JAZF1: variants seen among roughly 807,000 people sequenced by gnomAD.
The protein encoded by JAZF1 is juxtaposed with another zinc finger protein 1.
A neutral mutation model predicts 26.4 loss-of-function variants in JAZF1; 8 were observed. The observed-to-expected ratio is 0.30, with a 90% confidence interval of 0.18 to 0.55. The LOEUF is 0.55. JAZF1 is among the 20% of genes least tolerant of loss of function. JAZF1 has a pLI of 0.94. For missense variants in JAZF1, 199 were observed against 322.0 expected (o/e 0.62, Z 2.92); for synonymous variants, 126 against 122.3 (o/e 1.03, Z -0.20).
intron 1 of JAZF1, among the ~76,000 whole-genome samples, chr7:28,013,785 C>T (rs1331093704): frequency 6.6e-6 from 1 of 152,054 alleles, no homozygotes; most frequent in Non-Finnish European, 1.5e-5. Context: ...GAGGAAATCT[C>T]CCTTTTAGAC....
At chr7:28,074,004 G>A (rs62449904) in intron 1 of JAZF1, among the ~76,000 whole-genome samples, 15,916 of 151,254 alleles carry the variant, frequency 0.11, 1,454 homozygotes, top group East Asian at 0.42. Flanking sequence ...CAGAGGTGAG[G>A]CTTTTTCCCT....
chr7:28,140,009 A>T (rs1248144355), intron 1 of JAZF1, among the ~76,000 whole-genome samples: 1 of 152,146 alleles, frequency 6.6e-6, no homozygotes, highest in Non-Finnish European at 1.5e-5. Flanking sequence ...AAAAGGTTGC[A>T]GAAAGAAGTA....
intron 3 of JAZF1, among the ~76,000 whole-genome samples, chr7:27,864,569 G>A (rs534879914): frequency 7.6e-4 from 115 of 152,304 alleles, no homozygotes; most frequent in Non-Finnish European, 1.3e-3. Context: ...CGGTCAAGCT[G>A]ACTTCTCCTG....
rs58448766 is a variant in JAZF1 at position 28,120,501 on chromosome 7, CTTTTTT to C, written c.115+59956_115+59961del. Among the ~76,000 whole-genome samples the C allele has an allele frequency of 1.0e-3, 59 of 59,012 alleles. 1 individual carries two copies. The highest frequency in any genetic ancestry group is 3.4e-3 in the African/African-American group (50 of 14,656). The allele number at this position is 59,012 out of a possible 152,430, so 38.7% of individuals were successfully genotyped here. ...TCTGAACCACTAGCCACACACAGTTCTTTTTTTTTTTTTTTTTTTTTTTTTGAGACA... is the reference window on the plus strand; with the variant it reads ...TCTGAACCACTAGCCACACACAGTTCTTTTTTTTTTTTTTTTTTTGAGACA... On this transcript the variant is annotated intron_variant, in intron 1 of 4. Transcript: ENST00000283928.
At chr7:27,835,063 T>A (rs868189747) in intron 4 of JAZF1, among the ~76,000 whole-genome samples, 3 of 152,194 alleles carry the variant, frequency 2.0e-5, no homozygotes, top group Admixed American at 2.0e-4. Context: ...TTTCCGTGGA[T>A]GAAGGGCTAC....
chr7:28,115,614 T>G (rs1784729403), intron 1 of JAZF1, among the ~76,000 whole-genome samples: 1 of 152,214 alleles, frequency 6.6e-6, no homozygotes, highest in South Asian at 2.1e-4. Flanking sequence ...GAAATACAAC[T>G]GTAAAGACAT....
chr7:28,180,632 G>T lies in JAZF1; in HGVS notation c.-55C>A. The T allele has an allele frequency of 7.9e-7, 1 of 1,267,142 alleles. No homozygotes were observed. Among genetic ancestry groups the T allele is most frequent in the Non-Finnish European group, 1.1e-6 (1 of 893,754 alleles). The allele number at this position is 1,267,142 out of a possible 1,614,324, so 78.5% of individuals were successfully genotyped here. On this transcript the variant is annotated 5_prime_UTR_variant, in exon 1 of 5. Transcript: ENST00000283928. ...GGCTCTGCGAGCGCCGGGCGGGCGAGGGAGGGAGGGAGGCCGGGTGGGGTG... is the reference window on the plus strand; with the variant it reads ...GGCTCTGCGAGCGCCGGGCGGGCGATGGAGGGAGGGAGGCCGGGTGGGGTG...
chr7:27,975,797 A>G (rs1468475743), intron 2 of JAZF1, among the ~76,000 whole-genome samples: 1 of 152,230 alleles, frequency 6.6e-6, no homozygotes, highest in Non-Finnish European at 1.5e-5. Context: ...GAGTGGACAT[A>G]AAGATTTTTA....
chr7:28,091,216 C>T (rs1300967355), intron 1 of JAZF1, among the ~76,000 whole-genome samples: 3 of 152,004 alleles, frequency 2.0e-5, no homozygotes, highest in African/African-American at 4.8e-5. Flanking sequence ...CATATTTTTA[C>T]ATACTTTTGA....
intron 1 of JAZF1, among the ~76,000 whole-genome samples, chr7:28,128,586 T>C (rs1782738232): frequency 6.6e-6 from 1 of 151,908 alleles, no homozygotes; most frequent in African/African-American, 2.4e-5. Flanking sequence ...AATCTGGCAG[T>C]GGCCCCAGCA....
intron 1 of JAZF1, among the ~76,000 whole-genome samples, chr7:28,055,594 T>A (rs568598174): frequency 6.6e-6 from 1 of 152,338 alleles, no homozygotes; most frequent in African/African-American, 2.4e-5. Context: ...CTTTGTTTAT[T>A]ATGGATTTGA....
At chr7:28,107,332 T>C (rs1335745533) in intron 1 of JAZF1, among the ~76,000 whole-genome samples, 15 of 152,234 alleles carry the variant, frequency 9.9e-5, no homozygotes, top group Non-Finnish European at 1.8e-4. Context: ...GCCCATATAG[T>C]AGCTGAGGCA....
At chr7:27,846,976 TTTA>T (rs1783042610) in intron 3 of JAZF1, among the ~76,000 whole-genome samples, 1 of 152,094 alleles carries the variant, frequency 6.6e-6, no homozygotes, top group South Asian at 2.1e-4. Flanking sequence ...TGTTTTTATT[TTTA>T]TTTTTTTGAG....
At chr7:27,854,277 G>T (rs1447360141) in intron 3 of JAZF1, among the ~76,000 whole-genome samples, 1 of 152,146 alleles carries the variant, frequency 6.6e-6, no homozygotes, top group South Asian at 2.1e-4. Context: ...TGCACGAGAT[G>T]GGTCTCCCGA....
At chr7:27,969,486 C>A (rs1785336952) in intron 2 of JAZF1, among the ~76,000 whole-genome samples, 1 of 151,966 alleles carries the variant, frequency 6.6e-6, no homozygotes, top group African/African-American at 2.4e-5. Context: ...ATGGCCTTAG[C>A]AACGGTGCAG....
chr7:27,875,447 C>T (rs916537775), intron 3 of JAZF1, among the ~76,000 whole-genome samples: 4 of 152,132 alleles, frequency 2.6e-5, no homozygotes, highest in Admixed American at 6.5e-5. Context: ...CTGTTTAAAA[C>T]CCTCCCTTAA....
intron 1 of JAZF1, among the ~76,000 whole-genome samples, chr7:28,066,796 T>C (rs1457364189): frequency 6.6e-6 from 1 of 152,080 alleles, no homozygotes; most frequent in Non-Finnish European, 1.5e-5. Flanking sequence ...GATTTGATTG[T>C]TACTGCTGTT....
intron 1 of JAZF1, among the ~76,000 whole-genome samples, chr7:28,093,167 C>T (rs184738827): frequency 2.0e-4 from 30 of 152,334 alleles, no homozygotes; most frequent in African/African-American, 7.0e-4. Context: ...GCTGTATCCC[C>T]ACCCAAATCT....
intron 3 of JAZF1, among the ~76,000 whole-genome samples, chr7:27,877,862 C>T (rs1783706774): frequency 6.6e-6 from 1 of 152,176 alleles, no homozygotes; most frequent in Non-Finnish European, 1.5e-5. Flanking sequence ...CCTTCTCCAC[C>T]TGCATTTCAC....
Sources: gnomAD v4.1 joint callset for allele counts (sites outside exome capture counted in the v4.1 genomes callset) on GRCh38, gnomAD v4.1.1 for gene constraint, MANE v1.5 for transcripts, NCBI Gene and HGNC (gene_info 2026-07-23, HGNC 2026-07-21) for gene names.